Variants in PPARGC1A observed in about 807,000 individuals in gnomAD.
PPARGC1A encodes the protein peroxisome proliferator-activated receptor gamma coactivator 1-alpha.
PPARGC1A carries 25 observed loss-of-function variants against 88.7 expected under a neutral mutation model. The observed-to-expected ratio is 0.28, with a 90% CI of 0.21 to 0.39. PPARGC1A has a LOEUF of 0.39. Ranked by LOEUF, PPARGC1A falls within the 10% of genes least tolerant of loss-of-function variation. The pLI is 1.00. For synonymous variants in PPARGC1A, 363 were observed against 355.6 expected, an observed-to-expected ratio of 1.02 and a Z score of -0.24; for missense variants, 880 against 968.7, an observed-to-expected ratio of 0.91 and a Z score of 1.22.
the PPARGC1A span, among the ~76,000 whole-genome samples, chr4:23,944,207 C>T: frequency 6.6e-6 from 1 of 152,196 alleles, no homozygotes; most frequent in Non-Finnish European, 1.5e-5. Context: ...TGGGAATTCT[C>T]TGTACTTTCT....
chr4:24,186,858 A>T, the PPARGC1A span, among the ~76,000 whole-genome samples: 164 of 152,294 alleles, frequency 1.1e-3, no homozygotes, highest in African/African-American at 3.6e-3. Flanking sequence ...AATAAAATTT[A>T]AAAAAACTGT....
At chr4:24,371,904 T>C in the PPARGC1A span, among the ~76,000 whole-genome samples, 2 of 151,578 alleles carry the variant, frequency 1.3e-5, no homozygotes, top group African/African-American at 4.8e-5. Flanking sequence ...TGAGACCAGA[T>C]CATGCCACTG....
chr4:24,211,578 A>G, the PPARGC1A span, among the ~76,000 whole-genome samples: 1 of 152,108 alleles, frequency 6.6e-6, no homozygotes, highest in African/African-American at 2.4e-5. Context: ...TGGACCCTGA[A>G]CTTCACCTTG....
chr4:24,317,820 G>A, the PPARGC1A span, among the ~76,000 whole-genome samples: 2 of 152,054 alleles, frequency 1.3e-5, no homozygotes, highest in African/African-American at 2.4e-5. Flanking sequence ...CAAGACGAAC[G>A]TGCCCTCTGG....
chr4:24,112,505 G>A, the PPARGC1A span, among the ~76,000 whole-genome samples: 1 of 152,252 alleles, frequency 6.6e-6, no homozygotes, highest in Admixed American at 6.5e-5. Flanking sequence ...GACTAAGTTG[G>A]CAAGTAGGCC....
the PPARGC1A span, among the ~76,000 whole-genome samples, chr4:23,919,271 T>C: frequency 1.3e-5 from 2 of 152,152 alleles, no homozygotes; most frequent in Non-Finnish European, 2.9e-5. Context: ...GTAGTTTGTT[T>C]CTACTGTGGT....
intron 1 of PPARGC1A, among the ~76,000 whole-genome samples, chr4:23,885,430 T>G (rs1221755263): frequency 6.6e-6 from 1 of 152,240 alleles, no homozygotes; most frequent in Non-Finnish European, 1.5e-5. Context: ...ACACTCCTTT[T>G]AAGCATTATA....
At position 23,828,676 on chromosome 4, in the gene PPARGC1A, G is replaced by A. The variant is rs146691710; in HGVS notation, c.553-72C>T. The A allele has an allele frequency of 6.7e-4, 924 of 1,387,532 alleles. 7 individuals carry two copies. The African/African-American group carries it at 0.01, about 16-fold the overall frequency. The allele number at this position is 1,387,532 out of a possible 1,614,324, so 86.0% of individuals were successfully genotyped here. ...TATCAGAATGGATATAGGTTTTCTG[G>A]AGAGATGGGATTTTTCAATGAAGTG... On this transcript the variant is annotated intron_variant, in intron 4 of 12. Coordinates refer to ENST00000264867, the MANE Select transcript of PPARGC1A (RefSeq NM_013261.5).
intron 2 of PPARGC1A, among the ~76,000 whole-genome samples, chr4:23,853,270 A>T (rs1221169525): frequency 6.6e-6 from 1 of 152,204 alleles, no homozygotes; most frequent in Non-Finnish European, 1.5e-5. Flanking sequence ...AAAGGGGGAA[A>T]AGTGAGAGAC....
chr4:23,907,430 A>G (rs1218988384), upstream of PPARGC1A, among the ~76,000 whole-genome samples: 2 of 152,154 alleles, frequency 1.3e-5, no homozygotes, highest in Non-Finnish European at 2.9e-5. Flanking sequence ...ACAGACCTCA[A>G]AGCAGAATTA....
the PPARGC1A span, among the ~76,000 whole-genome samples, chr4:23,962,276 C>T: frequency 3.3e-5 from 5 of 152,008 alleles, no homozygotes; most frequent in East Asian, 1.9e-4. Flanking sequence ...TAAAGCAACC[C>T]GGAAAGGGAC....
the PPARGC1A span, among the ~76,000 whole-genome samples, chr4:24,060,205 G>C: frequency 1.3e-5 from 2 of 152,078 alleles, no homozygotes; most frequent in African/African-American, 4.8e-5. Flanking sequence ...CCAAACCAAA[G>C]AGACAATAAA....
chr4:24,199,941 T>C, the PPARGC1A span, among the ~76,000 whole-genome samples: 1 of 152,030 alleles, frequency 6.6e-6, no homozygotes, highest in Non-Finnish European at 1.5e-5. Context: ...CCATTAGTAA[T>C]TCAGAAAAAC....
At chr4:24,071,196 A>G in the PPARGC1A span, among the ~76,000 whole-genome samples, 1 of 152,106 alleles carries the variant, frequency 6.6e-6, no homozygotes, top group East Asian at 1.9e-4. Context: ...AGTATGATAT[A>G]CAGACACACA....
chr4:23,963,110 ATGG>A, the PPARGC1A span, among the ~76,000 whole-genome samples: 2 of 152,174 alleles, frequency 1.3e-5, no homozygotes, highest in Non-Finnish European at 2.9e-5. Flanking sequence ...TGATCCTGAC[ATGG>A]TGGAGACCCC....
the PPARGC1A span, among the ~76,000 whole-genome samples, chr4:24,249,229 A>G: frequency 1.1e-3 from 165 of 152,290 alleles, no homozygotes; most frequent in African/African-American, 3.7e-3. Flanking sequence ...AACCACTATG[A>G]ACATACAGGA....
chr4:24,064,342 G>A, the PPARGC1A span, among the ~76,000 whole-genome samples: 1 of 152,190 alleles, frequency 6.6e-6, no homozygotes, highest in Non-Finnish European at 1.5e-5. Flanking sequence ...TGGAGACTTG[G>A]TTGAGGTAAG....
chr4:24,141,955 G>T, the PPARGC1A span, among the ~76,000 whole-genome samples: 2 of 152,136 alleles, frequency 1.3e-5, no homozygotes, highest in African/African-American at 4.8e-5. Context: ...CTCAAAAACC[G>T]TGGCATCCAG....
the PPARGC1A span, among the ~76,000 whole-genome samples, chr4:24,334,431 C>T: frequency 6.6e-6 from 1 of 152,128 alleles, no homozygotes; most frequent in Non-Finnish European, 1.5e-5. Flanking sequence ...TCAGGTACTT[C>T]GTGAGGATTA....
Sources: gnomAD v4.1 joint callset for allele counts (sites outside exome capture counted in the v4.1 genomes callset) on GRCh38, gnomAD v4.1.1 for gene constraint, MANE v1.5 for transcripts, NCBI Gene and HGNC (gene_info 2026-07-23, HGNC 2026-07-21) for gene names.